APC2: variants seen among roughly 807,000 people sequenced by gnomAD.
APC2 encodes the protein adenomatous polyposis coli protein 2.
A neutral mutation model predicts 72.5 loss-of-function variants in APC2; 41 were observed. The observed-to-expected ratio is 0.57, with a 90% CI of 0.44 to 0.73. The LOEUF (loss-of-function observed/expected upper bound fraction) is 0.73. APC2 is among the 30% of genes least tolerant of loss of function. The pLI, the probability that APC2 is intolerant of heterozygous loss-of-function variation, is 0.00. For missense variants in APC2, 3,729 were observed against 3,403.4 expected (o/e 1.10, Z -2.38); for synonymous variants, 1,898 against 1,612.0 (o/e 1.18, Z -4.25).
In APC2 at chr19:1,469,581, G is replaced by A. The variant is rs2084095859; in HGVS notation, c.6280G>A (p.Glu2094Lys). Residue 2094 changes from glutamate to lysine, a missense_variant, in exon 15 of 15, where the codon GAG becomes AAG. Physicochemically the swap from Glu to Lys is moderately conservative, Grantham distance 56. Coordinates refer to ENST00000590469, the MANE Select transcript of APC2 (RefSeq NM_005883.3). ...LPVRAPAARPETVKRYASLPH... is the reference protein window; with the variant it reads ...LPVRAPAARPKTVKRYASLPH... ...TGTGCGCGCGCCCGCCGCCCGGCCG[G>A]AGACTGTCAAGCGCTACGCGTCGCT... The A allele has an allele frequency of 7.9e-6, 10 of 1,260,098 alleles. No individual in the cohort carries two copies. The highest frequency in any genetic ancestry group is 6.1e-5 in the Admixed American group (2 of 32,528). The allele number at this position is 1,260,098 out of a possible 1,614,324, so 78.1% of individuals were successfully genotyped here.
intron 13 of APC2, 46 bp from the exon 14 acceptor site, chr19:1,461,917 C>A (rs377493787): frequency 1.5e-5 from 23 of 1,513,912 alleles, no homozygotes; most frequent in Middle Eastern, 2.1e-4. Context: ...GCCTTTCCTC[C>A]GGGCCACTCA....
chr19:1,452,851 C>A lies in APC2; in HGVS notation c.-18-133C>A. ...GGCCTGTACTTGTCCACACCAGTGA[C>A]TCCTGCCTGAGACCCCCCCCAACCC... On this transcript the variant is annotated intron_variant, in intron 1 of 14. Transcript: ENST00000590469. The surrounding 1 kb of genome is among the most constrained non-coding windows in gnomAD (Gnocchi z 5.1). 8.8e-7 allele frequency: 1 copy of A among 1,139,420 alleles called. No individual in the cohort carries two copies. Among genetic ancestry groups the A allele is most frequent in the Non-Finnish European group, 1.2e-6 (1 of 823,774 alleles). 70.6% of individuals were successfully genotyped at this position (1,139,420 alleles called of 1,614,324 possible). A position where few individuals can be genotyped will look rare whatever the true frequency, so the allele number is the denominator to read the frequency against.
rs1236314242 is a variant in APC2 at position 1,468,007 on chromosome 19, T to C, written c.4706T>C (p.Ile1569Thr). The part of the protein sequence containing the change: ...PPPARTQPSL[I>T]ADETPPCYSL... Reference sequence around the variant, plus strand: ...CCCGCCCGGACCCAGCCCAGCCTCATTGCTGACGAGACCCCGCCCTGCTAC... The same window carrying C: ...CCCGCCCGGACCCAGCCCAGCCTCACTGCTGACGAGACCCCGCCCTGCTAC... Residue 1569 changes from isoleucine (I) to threonine (T), a missense_variant, in exon 15 of 15, where the codon ATT (isoleucine) becomes ACT (threonine). Physicochemically the swap from Ile to Thr is moderately conservative, Grantham distance 89. Transcript: ENST00000590469. 13 of 1,586,356 alleles carry C rather than the reference T, an allele frequency of 8.2e-6. No homozygotes were observed. Among genetic ancestry groups the C allele is most frequent in the South Asian group, 1.1e-5 (1 of 89,896 alleles).
rs755469801 is a variant in APC2 at position 1,469,007 on chromosome 19, C to T, written c.5706C>T (p.Gly1902=). The change falls in exon 15 of 15, where the codon GGC becomes GGT. Residue 1902 remains glycine (G), a synonymous_variant. Transcript: ENST00000590469. ...PVTQAAGALP[G]PGASPVPKTP... Reference sequence around the variant, plus strand: ...CCCAGGCTGCTGGGGCCCTGCCCGGCCCCGGAGCCTCCCCGGTGCCCAAAA... The same window carrying T: ...CCCAGGCTGCTGGGGCCCTGCCCGGTCCCGGAGCCTCCCCGGTGCCCAAAA... 1.2e-4 allele frequency: 192 copies of T among 1,554,314 alleles called. No homozygotes were observed. The highest frequency in any genetic ancestry group is 1.6e-4 in the Non-Finnish European group (186 of 1,154,110).
At chr19:1,450,989 C>A (rs1192450591) in intron 1 of APC2, among the ~76,000 whole-genome samples, 2 of 152,162 alleles carry the variant, frequency 1.3e-5, no homozygotes, top group Non-Finnish European at 2.9e-5. Flanking sequence ...CGGAGCGTAT[C>A]CTGAGGGCAC....
At chr19:1,456,493 C>T in intron 8 of APC2, 89 bp downstream of exon 8, 2 of 1,304,284 alleles carry the variant, frequency 1.5e-6, no homozygotes, top group South Asian at 2.8e-5. Context: ...TGGTGCCCTC[C>T]CATGCCTCCA....
In APC2 at chr19:1,455,487, T is replaced by A; in HGVS notation, c.626T>A (p.Val209Glu). The A allele has an allele frequency of 6.2e-7, 1 of 1,602,088 alleles. No homozygotes were observed. Among genetic ancestry groups the A allele is most frequent in the Non-Finnish European group, 8.5e-7 (1 of 1,174,812 alleles). ...EERFGTSDEM[V>E]QRAQIRASRL... Reference sequence around the variant, plus strand: ...CGCTTCGGCACCTCGGACGAGATGGTGCAGCGGGCACAGGTGCGGCGGTGG... The same window carrying A: ...CGCTTCGGCACCTCGGACGAGATGGAGCAGCGGGCACAGGTGCGGCGGTGG... Residue 209 changes from valine (V) to glutamate (E), a missense_variant, in exon 6 of 15, where the codon GTG becomes GAG. Coordinates refer to ENST00000590469, the MANE Select transcript of APC2 (RefSeq NM_005883.3).
Position 1,472,592 on chromosome 19 carries a change from T to TCCCACC in APC2, c.*2388_*2393dup, listed in dbSNP as rs901983374. 4.4e-5 allele frequency: 3 copies of TCCCACC among 68,896 alleles called. No individual in the cohort carries two copies. Among genetic ancestry groups the TCCCACC allele is most frequent in the African/African-American group, 1.1e-4 (2 of 18,072 alleles). 4.3% of individuals were successfully genotyped at this position (68,896 alleles called of 1,614,324 possible). A position where few individuals can be genotyped will look rare whatever the true frequency, so the allele number is the denominator to read the frequency against. Reference sequence around the variant, plus strand: ...GCGCAACATGGCTGCCAGCCCCGCCTCCCACCCCCACCCCGAGTCCTGAGC... The same window carrying TCCCACC: ...GCGCAACATGGCTGCCAGCCCCGCCTCCCACCCCCACCCCCACCCCGAGTCCTGAGC... On this transcript the variant is annotated 3_prime_UTR_variant, in exon 15 of 15. Coordinates refer to ENST00000590469, the MANE Select transcript of APC2 (RefSeq NM_005883.3).
intron 11 of APC2, among the ~76,000 whole-genome samples, 173 bp from the exon 12 acceptor site, chr19:1,460,607 C>T (rs2083907287): frequency 6.6e-6 from 1 of 152,250 alleles, no homozygotes; most frequent in Admixed American, 6.5e-5. Flanking sequence ...GGTGTCTGCC[C>T]CTGTCTGGGC....
rs772566907 is a variant in APC2 at position 1,466,158 on chromosome 19, C to T, written c.2857C>T (p.Arg953Cys). ...CTGCCCGCTGGCCGCACTGGCTTCG[C>T]GCCGCGAGGACCCCAGGTGTGGGCA... ...LPCPLAALAS[R>C]REDPRCGQPR... Residue 953 changes from arginine (R) to cysteine (C), a missense_variant, in exon 15 of 15, where the codon CGC becomes TGC. Physicochemically the swap from Arg to Cys is radical, Grantham distance 180. Transcript: ENST00000590469. 30 of 1,565,204 alleles carry T rather than the reference C, an allele frequency of 1.9e-5. No homozygotes were observed. Among genetic ancestry groups the T allele is most frequent in the African/African-American group, 1.5e-4 (11 of 71,368 alleles).
At chr19:1,457,925 C>G in intron 9 of APC2, 40 bp from the exon 10 acceptor site, 1 of 1,503,626 alleles carries the variant, frequency 6.7e-7, no homozygotes, top group Non-Finnish European at 8.9e-7. Context: ...TGGGACATTT[C>G]CTGGGAATGG....
chr19:1,460,056 T>C, intron 10 of APC2, 125 bp from the exon 11 acceptor site: 3 of 1,336,784 alleles, frequency 2.2e-6, no homozygotes, highest in Non-Finnish European at 3.1e-6. Flanking sequence ...GACTTGGGCC[T>C]GGAAGGGGAA....
At chr19:1,457,880 GGGGC>G in intron 9 of APC2, 81 bp from the exon 10 acceptor site, 1 of 1,186,614 alleles carries the variant, frequency 8.4e-7, no homozygotes, top group Non-Finnish European at 1.2e-6. Flanking sequence ...CTTCAGGCCT[GGGGC>G]GGGCGGGTTG....
chr19:1,467,789 G>A lies in APC2; in HGVS notation c.4488G>A (p.Leu1496=). 1 of 1,445,834 alleles carries A rather than the reference G, an allele frequency of 6.9e-7. No homozygotes were observed. The allele number at this position is 1,445,834 out of a possible 1,614,324, so 89.6% of individuals were successfully genotyped here. A position where few individuals can be genotyped will look rare whatever the true frequency, so the allele number is the denominator to read the frequency against. ...GCGGGGACGGGGCGCTCCAGTCGCT[G>A]TGCCTCACGACGCCCACTGAGGAGG... ...RTRGDGALQS[L]CLTTPTEEAV... The change falls in exon 15 of 15, where the codon CTG becomes CTA. Residue 1496 remains leucine, a synonymous_variant. Coordinates refer to ENST00000590469, the MANE Select transcript of APC2 (RefSeq NM_005883.3).
In APC2 at chr19:1,467,492, G is replaced by T. The variant is rs545834777; in HGVS notation, c.4191G>T (p.Pro1397=). Reference sequence around the variant, plus strand: ...GCACTGACTCCGCGGAGGGCACGCCGGTCAACTTCTCTAGCGCCGCCTCGC... The same window carrying T: ...GCACTGACTCCGCGGAGGGCACGCCTGTCAACTTCTCTAGCGCCGCCTCGC... The part of the protein sequence containing the change: ...DSCTDSAEGT[P]VNFSSAASLS... The change falls in exon 15 of 15, where the codon CCG becomes CCT. Residue 1397 remains proline (P), a synonymous_variant. Coordinates refer to ENST00000590469, the MANE Select transcript of APC2 (RefSeq NM_005883.3). 3.3e-5 allele frequency: 48 copies of T among 1,457,626 alleles called. No homozygotes were observed. In the South Asian group the frequency reaches 5.0e-4, roughly 15 times the overall value. 90.3% of individuals were successfully genotyped at this position (1,457,626 alleles called of 1,614,324 possible).
At position 1,470,434 on chromosome 19, in the gene APC2, C is replaced by T. The variant is rs2084115587; in HGVS notation, c.*221C>T. On this transcript the variant is annotated 3_prime_UTR_variant, in exon 15 of 15. Coordinates refer to ENST00000590469, the MANE Select transcript of APC2 (RefSeq NM_005883.3). ...GAGGTCCAGGAGGAAACGGGGCGGC[C>T]GCTAGGCCTCAAGTCCCGACCGTGG... 3 of 659,604 alleles carry T rather than the reference C, an allele frequency of 4.5e-6. No homozygotes were observed. The highest frequency in any genetic ancestry group is 4.3e-4 in the Middle Eastern group (1 of 2,310). 40.9% of individuals were successfully genotyped at this position (659,604 alleles called of 1,614,324 possible).
At chr19:1,459,939 G>T (rs2083896873) in intron 10 of APC2, among the ~76,000 whole-genome samples, 1 of 152,222 alleles carries the variant, frequency 6.6e-6, no homozygotes, top group Admixed American at 6.5e-5. Context: ...GCGTGAGCCA[G>T]GACCGAGGGC....
intron 14 of APC2, among the ~76,000 whole-genome samples, chr19:1,464,398 A>G (rs2083972495): frequency 6.6e-6 from 1 of 151,846 alleles, no homozygotes; most frequent in Admixed American, 6.6e-5. Context: ...AAAACACAAA[A>G]TATTATTTTT....
In APC2 at chr19:1,458,936, G is replaced by A. The variant is rs765732072; in HGVS notation, c.1303+876G>A. Among the ~76,000 whole-genome samples the A allele has an allele frequency of 3.3e-5, 5 of 152,114 alleles. No homozygotes were observed. The South Asian group carries it at 6.2e-4, about 19-fold the overall frequency. Reference sequence around the variant, plus strand: ...TGGCCTCGGGTGATCCGCCCACCTCGGCCTCCCAAAGTGCCGGGATTACAG... The same window carrying A: ...TGGCCTCGGGTGATCCGCCCACCTCAGCCTCCCAAAGTGCCGGGATTACAG... On this transcript the variant is annotated intron_variant, in intron 10 of 14. Transcript: ENST00000590469.
Sources: allele counts gnomAD v4.1 joint callset (sites outside exome capture counted in the v4.1 genomes callset), GRCh38; gene constraint gnomAD v4.1.1; non-coding constraint Gnocchi (gnomAD v3.1); transcripts MANE v1.5; gene names NCBI Gene and HGNC (gene_info 2026-07-23, HGNC 2026-07-21).